Variants in GPC5 observed in about 807,000 individuals in gnomAD.
The protein encoded by GPC5 is glypican 5, also known as glypican-5.
A neutral mutation model predicts 53.9 loss-of-function variants in GPC5; 47 were observed. The observed-to-expected ratio is 0.87, with a 90% CI of 0.69 to 1.11. The LOEUF is 1.11. Ranked by LOEUF, GPC5 falls within the 50% of genes most tolerant of loss-of-function variation. GPC5 has a pLI of 0.00. For missense variants in GPC5, 748 were observed against 713.1 expected, an observed-to-expected ratio of 1.05 and a Z score of -0.56; for synonymous variants, 286 against 263.3, an observed-to-expected ratio of 1.09 and a Z score of -0.84.
chr13:91,595,597 T>G lies in GPC5; in HGVS notation c.326-97590T>G, dbSNP rs7995495. The stretch of plus-strand genomic sequence containing the variant: ...TTGTCTTTTTTTAGTTATTCCCATT[T>G]TCTTCTGTATTGTATATAATTTTCT... On this transcript the variant is annotated intron_variant, in intron 2 of 7. Transcript: ENST00000377067. Among the ~76,000 whole-genome samples the G allele has an allele frequency of 1.6e-3, 242 of 152,306 alleles. 1 individual carries two copies. The highest frequency in any genetic ancestry group is 5.6e-3 in the African/African-American group (231 of 41,568).
intron 5 of GPC5, among the ~76,000 whole-genome samples, chr13:91,882,272 T>G (rs1004500481): frequency 6.6e-6 from 1 of 152,072 alleles, no homozygotes; most frequent in Non-Finnish European, 1.5e-5. Context: ...TTTTAAAATT[T>G]TCAATGGAAG....
chr13:91,431,451 T>G (rs949573505), intron 1 of GPC5, among the ~76,000 whole-genome samples: 1 of 152,222 alleles, frequency 6.6e-6, no homozygotes, highest in African/African-American at 2.4e-5. Flanking sequence ...AGAAAATAAT[T>G]AAAACAGAAA....
chr13:92,154,683 A>G (rs979395865), intron 7 of GPC5, among the ~76,000 whole-genome samples: 5 of 152,084 alleles, frequency 3.3e-5, no homozygotes, highest in Non-Finnish European at 7.4e-5. Context: ...TAAAATACTT[A>G]CTAGTTTCTT....
At chr13:92,450,205 C>T (rs1438886606) in intron 7 of GPC5, among the ~76,000 whole-genome samples, 8 of 152,062 alleles carry the variant, frequency 5.3e-5, no homozygotes, top group Admixed American at 2.6e-4. Flanking sequence ...CTATCTCCCA[C>T]GCCAGCAACA....
At chr13:92,505,840 A>G (rs1880346869) in intron 7 of GPC5, among the ~76,000 whole-genome samples, 2 of 152,126 alleles carry the variant, frequency 1.3e-5, no homozygotes, top group Admixed American at 1.3e-4. Flanking sequence ...CTTTAATCTG[A>G]GTGAAAGAAG....
At chr13:91,446,789 A>G (rs572557176) in intron 1 of GPC5, among the ~76,000 whole-genome samples, 2 of 152,106 alleles carry the variant, frequency 1.3e-5, no homozygotes, top group Non-Finnish European at 2.9e-5. Flanking sequence ...TTCCCTTTTC[A>G]CTGTGACCCA....
chr13:91,587,339 TC>T (rs2032636738), intron 2 of GPC5, among the ~76,000 whole-genome samples: 1 of 152,170 alleles, frequency 6.6e-6, no homozygotes, highest in Non-Finnish European at 1.5e-5. Flanking sequence ...AACAGTAGTT[TC>T]CTAGTATCTG....
intron 2 of GPC5, among the ~76,000 whole-genome samples, chr13:91,651,956 G>GATT (rs1290199396): frequency 6.6e-6 from 1 of 152,170 alleles, no homozygotes; most frequent in African/African-American, 2.4e-5. Flanking sequence ...GAAAGATACA[G>GATT]ATTCCTTGCT....
intron 7 of GPC5, among the ~76,000 whole-genome samples, chr13:92,585,546 T>G (rs1883510393): frequency 1.3e-5 from 2 of 152,174 alleles, no homozygotes; most frequent in South Asian, 4.1e-4. Flanking sequence ...TTGTCTCAGA[T>G]GAGACTTTGG....
At chr13:92,810,880 C>T (rs1258146732) in intron 7 of GPC5, among the ~76,000 whole-genome samples, 2 of 151,856 alleles carry the variant, frequency 1.3e-5, no homozygotes, top group Non-Finnish European at 2.9e-5. Flanking sequence ...GCCACCACAA[C>T]CAGCTAATTT....
intron 6 of GPC5, 50 bp downstream of exon 6, chr13:91,908,107 T>G: frequency 2.2e-6 from 3 of 1,340,820 alleles, no homozygotes; most frequent in East Asian, 5.4e-5. Flanking sequence ...AAATAATAAG[T>G]GGTTACTTTC....
At chr13:92,155,500 G>A (rs920366159) in intron 7 of GPC5, among the ~76,000 whole-genome samples, 1 of 151,900 alleles carries the variant, frequency 6.6e-6, no homozygotes, top group Non-Finnish European at 1.5e-5. Flanking sequence ...TTTCTAGGAG[G>A]CTTTTATTGA....
intron 7 of GPC5, among the ~76,000 whole-genome samples, chr13:92,212,618 A>G (rs77496097): frequency 6.6e-6 from 1 of 152,170 alleles, no homozygotes; most frequent in Admixed American, 6.5e-5. Context: ...CCTAAGTAGT[A>G]ATGAATTTTC....
chr13:91,498,185 T>G (rs188107559), intron 2 of GPC5, among the ~76,000 whole-genome samples: 2 of 151,846 alleles, frequency 1.3e-5, no homozygotes, highest in East Asian at 3.9e-4. Flanking sequence ...TGTTTGCTTT[T>G]CATTCTTGGG....
intron 2 of GPC5, among the ~76,000 whole-genome samples, chr13:91,474,206 A>G (rs576200016): frequency 6.6e-6 from 1 of 152,272 alleles, no homozygotes. Context: ...TTGTAAATCT[A>G]TTTTATTCTT....
chr13:92,848,922 G>T (rs927612808), intron 7 of GPC5, among the ~76,000 whole-genome samples: 1 of 152,078 alleles, frequency 6.6e-6, no homozygotes, highest in African/African-American at 2.4e-5. Context: ...CCAGGAGATG[G>T]AGTGCAAGCA....
intron 2 of GPC5, among the ~76,000 whole-genome samples, chr13:91,644,280 CAT>C (rs768764868): frequency 5.9e-5 from 9 of 152,126 alleles, no homozygotes; most frequent in Non-Finnish European, 8.8e-5. Flanking sequence ...GTTTACCTCT[CAT>C]AGAGGGTAGA....
At chr13:91,691,576 T>G (rs1171251366) in intron 2 of GPC5, among the ~76,000 whole-genome samples, 3 of 152,202 alleles carry the variant, frequency 2.0e-5, no homozygotes, top group Admixed American at 1.3e-4. Context: ...GAAACAGAAT[T>G]GCAATTACTT....
At chr13:92,798,247 A>G (rs114867301) in intron 7 of GPC5, among the ~76,000 whole-genome samples, 127 of 151,984 alleles carry the variant, frequency 8.4e-4, no homozygotes, top group African/African-American at 2.9e-3. Context: ...TAAGACATAT[A>G]GTTTATAAAT....
Sources: allele counts gnomAD v4.1 joint callset (sites outside exome capture counted in the v4.1 genomes callset), GRCh38; gene constraint gnomAD v4.1.1; transcripts MANE v1.5; gene names NCBI Gene and HGNC (gene_info 2026-07-23, HGNC 2026-07-21).